EPB41L2: variants seen among roughly 807,000 people sequenced by gnomAD.
EPB41L2 encodes erythrocyte membrane protein band 4.1 like 2.
In EPB41L2, 43 loss-of-function variants were observed where a neutral mutation model predicts 113.0. The observed-to-expected ratio is 0.38, with a 90% confidence interval of 0.30 to 0.49. EPB41L2 has a LOEUF of 0.49. Ranked by LOEUF, EPB41L2 falls within the 20% of genes least tolerant of loss-of-function variation. The probability of loss-of-function intolerance (pLI) is 0.95; values close to 1 mark genes in which losing one functional copy is unlikely to be tolerated. For missense variants in EPB41L2, 1,147 were observed against 1,223.4 expected (o/e 0.94, Z 0.93); for synonymous variants, 442 against 436.7 (o/e 1.01, Z -0.15).
chr6:130,963,532 A>G (rs1774171549), intron 1 of EPB41L2, among the ~76,000 whole-genome samples: 1 of 152,200 alleles, frequency 6.6e-6, no homozygotes, highest in African/African-American at 2.4e-5. Flanking sequence ...TGTTGGAGAC[A>G]GGGGTATATG....
intron 11 of EPB41L2, among the ~76,000 whole-genome samples, chr6:130,885,822 A>G (rs1188302339): frequency 1.3e-5 from 2 of 152,158 alleles, no homozygotes; most frequent in Non-Finnish European, 2.9e-5. Context: ...TATGTTTAAT[A>G]TTTTTTATTT....
chr6:130,914,054 G>A (rs969838597), intron 4 of EPB41L2, among the ~76,000 whole-genome samples: 10 of 152,134 alleles, frequency 6.6e-5, no homozygotes, highest in Non-Finnish European at 2.9e-5. Flanking sequence ...AGAAATACAC[G>A]CAGTAAAATT....
chr6:130,909,191 C>T (rs568861314), intron 4 of EPB41L2, among the ~76,000 whole-genome samples: 1 of 152,234 alleles, frequency 6.6e-6, no homozygotes, highest in African/African-American at 2.4e-5. Flanking sequence ...AACAAATAGC[C>T]CCTGCAGACA....
At chr6:130,951,714 T>C (rs1815177140) in intron 3 of EPB41L2, among the ~76,000 whole-genome samples, 1 of 152,014 alleles carries the variant, frequency 6.6e-6, no homozygotes, top group Admixed American at 6.6e-5. Context: ...TTGAGTATCC[T>C]TCCCATGAGA....
chr6:131,039,414 C>A (rs1258874211), intron 1 of EPB41L2, among the ~76,000 whole-genome samples: 1 of 152,052 alleles, frequency 6.6e-6, no homozygotes, highest in Non-Finnish European at 1.5e-5. Flanking sequence ...ACACGCAAAC[C>A]CTTGAAATAT....
chr6:131,062,772 G>A (rs1326935743), intron 1 of EPB41L2, among the ~76,000 whole-genome samples: 4 of 151,894 alleles, frequency 2.6e-5, no homozygotes, highest in East Asian at 3.9e-4. Context: ...CGGCACCCCG[G>A]GGGGGACGGC....
At chr6:130,944,155 ACG>A (rs1583729683) in intron 3 of EPB41L2, among the ~76,000 whole-genome samples, 1 of 138,176 alleles carries the variant, frequency 7.2e-6, no homozygotes, top group Admixed American at 7.6e-5. Flanking sequence ...ATATATATAT[ACG>A]TACATACACA....
intron 1 of EPB41L2, among the ~76,000 whole-genome samples, chr6:131,032,888 TGAAATCCCAGCACTCTGG>T (rs1158697756): frequency 6.6e-6 from 1 of 152,216 alleles, no homozygotes; most frequent in Non-Finnish European, 1.5e-5. Context: ...GGCTCACGCT[TGAAATCCCAGCACTCTGG>T]GAAATCCCAG....
intron 3 of EPB41L2, among the ~76,000 whole-genome samples, chr6:130,949,147 C>G (rs1813936504): frequency 6.6e-6 from 1 of 152,180 alleles, no homozygotes; most frequent in African/African-American, 2.4e-5. Context: ...TTAAGAATCT[C>G]TATTATTTAG....
chr6:130,883,850 T>TG (rs1289293787), intron 12 of EPB41L2, among the ~76,000 whole-genome samples: 15 of 152,342 alleles, frequency 9.8e-5, no homozygotes, highest in Admixed American at 3.9e-4. Flanking sequence ...GATGATTTGA[T>TG]GTCACTTGCT....
rs768370446 is a variant in EPB41L2 at position 130,880,219 on chromosome 6, A to G, written c.1834-13T>C. The G allele has an allele frequency of 1.3e-6, 2 of 1,593,462 alleles. No homozygotes were observed. The highest frequency in any genetic ancestry group is 1.7e-5 in the Admixed American group (1 of 59,878). On this transcript the variant is annotated splice_polypyrimidine_tract_variant and intron_variant, in intron 12 of 19. Transcript: ENST00000337057. ...TCAAGGAATTTTTCTGTGAAATTAAATCACACACAGGGGGGAAAAGGCAAA... is the reference window on the plus strand; with the variant it reads ...TCAAGGAATTTTTCTGTGAAATTAAGTCACACACAGGGGGGAAAAGGCAAA...
At chr6:130,923,938 A>T (rs1408897629) in intron 4 of EPB41L2, among the ~76,000 whole-genome samples, 1 of 152,166 alleles carries the variant, frequency 6.6e-6, no homozygotes, top group East Asian at 1.9e-4. Context: ...GAACTTTTAC[A>T]TCTTGCAAAA....
chr6:131,059,478 C>T (rs1018233478), intron 1 of EPB41L2, among the ~76,000 whole-genome samples: 2 of 152,224 alleles, frequency 1.3e-5, no homozygotes, highest in African/African-American at 2.4e-5. Flanking sequence ...TGACATCAGG[C>T]ATTGACTCCA....
At chr6:131,038,153 G>A (rs1187333495) in intron 1 of EPB41L2, among the ~76,000 whole-genome samples, 1 of 152,010 alleles carries the variant, frequency 6.6e-6, no homozygotes, top group Admixed American at 6.5e-5. Flanking sequence ...AGAAATATAA[G>A]CAATTTAAGC....
intron 16 of EPB41L2, among the ~76,000 whole-genome samples, chr6:130,866,234 C>T (rs1783712666): frequency 1.3e-5 from 2 of 152,116 alleles, no homozygotes; most frequent in African/African-American, 4.8e-5. Context: ...TATATAAATC[C>T]CATACATATG....
In EPB41L2 at chr6:130,955,156, G is replaced by A. The variant is rs200083554; in HGVS notation, c.654C>T (p.Val218=). Residue 218 remains valine (V), a synonymous_variant, in exon 3 of 20, where the codon GTC becomes GTT. Transcript: ENST00000337057. ...CATCTAAGAGGGTCACTTTACACTGGACAGTTTTGGTCTTCTTGGTGACTT... is the reference window on the plus strand; with the variant it reads ...CATCTAAGAGGGTCACTTTACACTGAACAGTTTTGGTCTTCTTGGTGACTT... ...SQKVTKKTKT[V]QCKVTLLDGT... is the part of the protein sequence containing the mutation. The A allele has an allele frequency of 6.2e-7, 1 of 1,614,130 alleles. No individual in the cohort carries two copies. The highest frequency in any genetic ancestry group is 2.2e-5 in the East Asian group (1 of 44,880).
At chr6:130,979,409 T>A (rs1204949180) in intron 1 of EPB41L2, among the ~76,000 whole-genome samples, 1 of 150,628 alleles carries the variant, frequency 6.6e-6, no homozygotes, top group Admixed American at 6.6e-5. Flanking sequence ...ACATGAGAAT[T>A]GCTTGAACCC....
At chr6:130,866,048 A>G (rs1783648569) in intron 16 of EPB41L2, among the ~76,000 whole-genome samples, 1 of 152,220 alleles carries the variant, frequency 6.6e-6, no homozygotes, top group African/African-American at 2.4e-5. Context: ...CATTTTATCA[A>G]ATTACCAAGC....
intron 3 of EPB41L2, among the ~76,000 whole-genome samples, chr6:130,936,863 G>A (rs545015558): frequency 4.6e-5 from 7 of 152,318 alleles, no homozygotes; most frequent in Admixed American, 1.3e-4. Flanking sequence ...CAGTCTTAAC[G>A]TGAGGCCTCT....
Sources: allele counts gnomAD v4.1 joint callset (sites outside exome capture counted in the v4.1 genomes callset), GRCh38; gene constraint gnomAD v4.1.1; transcripts MANE v1.5; gene names NCBI Gene and HGNC (gene_info 2026-07-23, HGNC 2026-07-21).